Variants in CCDC149 observed in about 807,000 individuals in gnomAD.
The protein encoded by CCDC149 is coiled-coil domain-containing protein 149.
Under a neutral mutation model 59.9 loss-of-function variants are expected in CCDC149, and 45 were observed. The ratio of observed to expected loss-of-function variants is 0.75; its 90% confidence interval spans 0.59 to 0.96. CCDC149 has a LOEUF of 0.96. CCDC149 is among the 40% of genes least tolerant of loss of function. The pLI is 0.00. For missense variants in CCDC149, 584 were observed against 664.7 expected (o/e 0.88, Z 1.33); for synonymous variants, 245 against 260.6 (o/e 0.94, Z 0.58).
At chr4:24,821,669 C>G (rs139174062) in intron 10 of CCDC149, among the ~76,000 whole-genome samples, 12 of 152,310 alleles carry the variant, frequency 7.9e-5, no homozygotes, top group Admixed American at 2.0e-4. Context: ...ATGAAGGAGA[C>G]TGGTTTGTGC....
intron 1 of CCDC149, among the ~76,000 whole-genome samples, chr4:24,963,253 C>T (rs1230522561): frequency 6.6e-6 from 1 of 151,998 alleles, no homozygotes; most frequent in East Asian, 1.9e-4. Flanking sequence ...AATTTCTCTG[C>T]CAAGGTAGGT....
intron 1 of CCDC149, among the ~76,000 whole-genome samples, chr4:24,934,591 T>C (rs1722686175): frequency 6.6e-6 from 1 of 152,210 alleles, no homozygotes; most frequent in African/African-American, 2.4e-5. Context: ...CTCCACTTTC[T>C]AATGGCAGAA....
intron 3 of CCDC149, among the ~76,000 whole-genome samples, chr4:24,866,196 T>A (rs1718683733): frequency 6.6e-6 from 1 of 152,154 alleles, no homozygotes; most frequent in Non-Finnish European, 1.5e-5. Context: ...TTTCCAGGGT[T>A]GTCATCTTGG....
In CCDC149 at chr4:24,912,951, C is replaced by A; in HGVS notation, c.-72G>T. The A allele has an allele frequency of 1.2e-6, 1 of 840,098 alleles. No individual in the cohort carries two copies. Among genetic ancestry groups the A allele is most frequent in the Non-Finnish European group, 1.5e-6 (1 of 654,744 alleles). 52.0% of individuals were successfully genotyped at this position (840,098 alleles called of 1,614,324 possible). A position where few individuals can be genotyped will look rare whatever the true frequency, so the allele number is the denominator to read the frequency against. ...CGTCGCGTCGCCGCCGCCGCCCGGG[C>A]CCCGCGCGGCCCCGAGAGGGCCCGG... On this transcript the variant is annotated 5_prime_UTR_variant, in exon 1 of 13. Transcript: ENST00000635206.
chr4:24,959,013 G>A (rs1723555797), intron 1 of CCDC149, among the ~76,000 whole-genome samples: 1 of 152,216 alleles, frequency 6.6e-6, no homozygotes, highest in Non-Finnish European at 1.5e-5. Context: ...CAGCTCTGTC[G>A]CCCAGGCTGG....
intron 1 of CCDC149, among the ~76,000 whole-genome samples, chr4:24,970,659 T>C (rs1473832037): frequency 2.6e-5 from 4 of 152,228 alleles, no homozygotes; most frequent in Non-Finnish European, 5.9e-5. Context: ...ATGGATTTTG[T>C]GCCCCCTGGC....
intron 1 of CCDC149, among the ~76,000 whole-genome samples, chr4:24,912,470 T>A (rs1360979337): frequency 6.6e-6 from 1 of 152,110 alleles, no homozygotes; most frequent in East Asian, 1.9e-4. Flanking sequence ...CGTCCAATTG[T>A]TTGGCTCCAC....
intron 4 of CCDC149, among the ~76,000 whole-genome samples, chr4:24,851,819 C>T (rs957582217): frequency 6.6e-6 from 1 of 152,074 alleles, no homozygotes; most frequent in African/African-American, 2.4e-5. Context: ...ACCTAGGTTA[C>T]GGAGTTTAAA....
chr4:24,943,626 G>A (rs1443931459), intron 1 of CCDC149, among the ~76,000 whole-genome samples: 1 of 152,166 alleles, frequency 6.6e-6, no homozygotes, highest in Non-Finnish European at 1.5e-5. Flanking sequence ...AGAGTGAACA[G>A]GCAACCTACA....
chr4:24,849,077 C>T (rs1194696869), intron 4 of CCDC149, among the ~76,000 whole-genome samples: 4 of 152,158 alleles, frequency 2.6e-5, no homozygotes, highest in Non-Finnish European at 5.9e-5. Context: ...TTCTCCGAGA[C>T]CCCTTTTTTC....
At chr4:24,932,815 T>C (rs1434413468) in intron 1 of CCDC149, among the ~76,000 whole-genome samples, 1 of 152,144 alleles carries the variant, frequency 6.6e-6, no homozygotes, top group African/African-American at 2.4e-5. Context: ...TGGTGATCAA[T>C]CTCACATGTC....
intron 12 of CCDC149, among the ~76,000 whole-genome samples, chr4:24,814,292 T>C (rs1313642290): frequency 6.6e-6 from 1 of 152,234 alleles, no homozygotes; most frequent in East Asian, 1.9e-4. Flanking sequence ...GCTCTTCAGA[T>C]CTGTTCAGCC....
chr4:24,948,784 G>T (rs1577500874), intron 1 of CCDC149, among the ~76,000 whole-genome samples: 1 of 152,240 alleles, frequency 6.6e-6, no homozygotes, highest in African/African-American at 2.4e-5. Flanking sequence ...ACATATTATG[G>T]GAGGGACCTG....
At chr4:24,845,809 A>G (rs985641990) in intron 4 of CCDC149, among the ~76,000 whole-genome samples, 18 of 152,220 alleles carry the variant, frequency 1.2e-4, no homozygotes, top group African/African-American at 4.8e-5. Flanking sequence ...CGAAGAAGTC[A>G]AGCAATTGTC....
At chr4:24,973,051 T>C (rs1256311169) in intron 1 of CCDC149, among the ~76,000 whole-genome samples, 1 of 152,240 alleles carries the variant, frequency 6.6e-6, no homozygotes, top group Non-Finnish European at 1.5e-5. Flanking sequence ...CACTCTTCTA[T>C]TGATTCCAGG....
intron 1 of CCDC149, among the ~76,000 whole-genome samples, chr4:24,933,638 A>G (rs981628663): frequency 3.9e-5 from 6 of 152,204 alleles, no homozygotes; most frequent in Admixed American, 6.5e-5. Context: ...TTTTCCTCCT[A>G]GAGTTCATAT....
At chr4:24,952,355 G>A (rs1306035644) in intron 1 of CCDC149, among the ~76,000 whole-genome samples, 1 of 151,828 alleles carries the variant, frequency 6.6e-6, no homozygotes, top group Non-Finnish European at 1.5e-5. Context: ...ATTTTGGGAT[G>A]CCAAGGCAGG....
At chr4:24,925,617 T>A (rs1240400643) in intron 1 of CCDC149, among the ~76,000 whole-genome samples, 1 of 152,236 alleles carries the variant, frequency 6.6e-6, no homozygotes, top group African/African-American at 2.4e-5. Context: ...GGTCTTTGTG[T>A]CACTGTTGTG....
rs192550273 is a variant in CCDC149, at chr4:24,970,606, G to A, written c.-65+9463C>T. On this transcript the variant is annotated intron_variant, in intron 1 of 12. Transcript: ENST00000389609. ...CATGTCACTACACCAAAGGTATAGT[G>A]ACAAGGTGGTGGAACAAGAAGCCCC... Among the ~76,000 whole-genome samples the A allele has an allele frequency of 9.6e-4, 146 of 152,246 alleles. 1 individual carries two copies. The highest frequency in any genetic ancestry group is 3.4e-3 in the African/African-American group (140 of 41,550).
Sources: allele counts gnomAD v4.1 joint callset (sites outside exome capture counted in the v4.1 genomes callset), GRCh38; gene constraint gnomAD v4.1.1; transcripts MANE v1.5; gene names NCBI Gene and HGNC (gene_info 2026-07-23, HGNC 2026-07-21).